ADAMTSL1: variants seen among roughly 807,000 people sequenced by gnomAD.
ADAMTSL1 encodes ADAMTS-like protein 1.
ADAMTSL1 carries 126 observed loss-of-function variants against 201.8 expected under a neutral mutation model. The ratio of observed to expected loss-of-function variants is 0.62; its 90% CI spans 0.54 to 0.72. The LOEUF is 0.72. ADAMTSL1 is among the 30% of genes least tolerant of loss of function. ADAMTSL1 has a pLI of 0.00. For missense variants in ADAMTSL1, 2,679 were observed against 2,277.8 expected (o/e 1.18, Z -3.59); for synonymous variants, 1,121 against 903.4 (o/e 1.24, Z -4.32).
At chr9:18,795,354 C>A in intron 19 of ADAMTSL1, 43 bp from the exon 20 acceptor site, 1 of 1,610,324 alleles carries the variant, frequency 6.2e-7, no homozygotes, top group South Asian at 1.1e-5. Context: ...AAAAAGGAGT[C>A]AACTGACTTG....
At chr9:18,835,738 C>T (rs202242865) in intron 23 of ADAMTSL1, among the ~76,000 whole-genome samples, 2 of 152,010 alleles carry the variant, frequency 1.3e-5, no homozygotes, top group Non-Finnish European at 2.9e-5. Flanking sequence ...GTTCCTGCTT[C>T]TAAGTGAGAA....
intron 2 of ADAMTSL1, among the ~76,000 whole-genome samples, chr9:18,282,348 A>G (rs1034315335): frequency 3.3e-5 from 5 of 152,176 alleles, no homozygotes; most frequent in African/African-American, 1.2e-4. Context: ...TGACTTTGCT[A>G]TTGTGAATAG....
intron 3 of ADAMTSL1, among the ~76,000 whole-genome samples, chr9:18,556,036 C>T (rs1208227985): frequency 6.6e-6 from 1 of 151,858 alleles, no homozygotes; most frequent in East Asian, 1.9e-4. Flanking sequence ...AAAACAGAGA[C>T]AGCTCAGCTC....
At chr9:17,965,005 A>G (rs953503969) in intron 1 of ADAMTSL1, among the ~76,000 whole-genome samples, 7 of 152,072 alleles carry the variant, frequency 4.6e-5, no homozygotes, top group African/African-American at 1.7e-4. Context: ...CACCTGCCAC[A>G]GCCTCTTAAA....
intron 2 of ADAMTSL1, among the ~76,000 whole-genome samples, chr9:18,438,168 G>A (rs1199033503): frequency 2.0e-5 from 3 of 151,502 alleles, no homozygotes; most frequent in African/African-American, 7.3e-5. Flanking sequence ...TGACCTGAAA[G>A]CATTTACTGC....
intron 2 of ADAMTSL1, among the ~76,000 whole-genome samples, chr9:18,422,295 C>A (rs1156250981): frequency 1.3e-5 from 2 of 152,040 alleles, no homozygotes; most frequent in Non-Finnish European, 2.9e-5. Context: ...AAAGAGATAC[C>A]CCTCTTTCTG....
intron 15 of ADAMTSL1, 57 bp downstream of exon 15, chr9:18,721,722 C>A: frequency 6.3e-7 from 1 of 1,576,254 alleles, no homozygotes; most frequent in Non-Finnish European, 8.6e-7. Flanking sequence ...CTGGGCGCAT[C>A]TTTCAGTGGG....
At chr9:18,021,524 T>G (rs1229110142) in intron 1 of ADAMTSL1, among the ~76,000 whole-genome samples, 38 of 152,148 alleles carry the variant, frequency 2.5e-4, no homozygotes. Flanking sequence ...CATCTATCCT[T>G]AAATCTCCTC....
intron 23 of ADAMTSL1, among the ~76,000 whole-genome samples, chr9:18,878,288 C>G (rs1828300051): frequency 6.6e-6 from 1 of 152,238 alleles, no homozygotes; most frequent in African/African-American, 2.4e-5. Context: ...CTGTTAACCC[C>G]CCTCCCCAGG....
chr9:18,570,078 G>A (rs547729456), intron 3 of ADAMTSL1, among the ~76,000 whole-genome samples: 12 of 152,086 alleles, frequency 7.9e-5, no homozygotes, highest in Non-Finnish European at 1.8e-4. Context: ...TTTTAAAAGA[G>A]TCAGGCACAG....
rs141352183 is a variant in ADAMTSL1, at chr9:18,286,012, A to G, written c.207+122031A>G. On this transcript the variant is annotated intron_variant, in intron 2 of 29. Transcript: ENST00000680146. ...TCATTCTCCAAGTTCCCAACCCCCTAGCTCTATGCAACTGGTTACTTTCTC... is the reference window on the plus strand; with the variant it reads ...TCATTCTCCAAGTTCCCAACCCCCTGGCTCTATGCAACTGGTTACTTTCTC... Among the ~76,000 whole-genome samples, 18 of 151,958 alleles carry G rather than the reference A, an allele frequency of 1.2e-4. No individual in the cohort carries two copies. In the East Asian group the frequency reaches 2.7e-3, roughly 23 times the overall value.
Position 18,221,879 on chromosome 9 carries a change from G to A in ADAMTSL1, c.207+57898G>A, listed in dbSNP as rs187714768. Among the ~76,000 whole-genome samples, 356 of 151,984 alleles carry A rather than the reference G, an allele frequency of 2.3e-3. 1 individual carries two copies. Among genetic ancestry groups the A allele is most frequent in the African/African-American group, 8.4e-3 (347 of 41,512 alleles). On this transcript the variant is annotated intron_variant, in intron 2 of 29. Transcript: ENST00000680146. ...TTATGTCTTTTTGATTTATCAGTTTGTCAGGCATGTTAGAATTTCCCACCA... is the reference window on the plus strand; with the variant it reads ...TTATGTCTTTTTGATTTATCAGTTTATCAGGCATGTTAGAATTTCCCACCA...
intron 1 of ADAMTSL1, among the ~76,000 whole-genome samples, chr9:18,161,262 G>A (rs191034922): frequency 3.1e-3 from 465 of 152,064 alleles, no homozygotes; most frequent in Non-Finnish European, 5.0e-3. Context: ...ACCTCTTTTG[G>A]AGGATATTTG....
At chr9:18,565,772 C>T (rs1245936979) in intron 3 of ADAMTSL1, among the ~76,000 whole-genome samples, 1 of 152,180 alleles carries the variant, frequency 6.6e-6, no homozygotes, top group East Asian at 1.9e-4. Context: ...GACAGGGCAG[C>T]AACTATGTCT....
intron 1 of ADAMTSL1, among the ~76,000 whole-genome samples, chr9:18,498,234 TA>T: frequency 6.6e-6 from 1 of 151,890 alleles, no homozygotes; most frequent in East Asian, 1.9e-4. Flanking sequence ...CAGGGAGTGA[TA>T]AAATAATTGG....
At chr9:18,883,078 A>G (rs1828637851) in intron 23 of ADAMTSL1, among the ~76,000 whole-genome samples, 1 of 152,100 alleles carries the variant, frequency 6.6e-6, no homozygotes, top group South Asian at 2.1e-4. Flanking sequence ...CCAGGCCTTC[A>G]ATCCATTGGC....
intron 15 of ADAMTSL1, among the ~76,000 whole-genome samples, chr9:18,738,777 C>T (rs1307251997): frequency 6.6e-6 from 1 of 152,184 alleles, no homozygotes; most frequent in East Asian, 1.9e-4. Flanking sequence ...AAAATAGTTA[C>T]TCTAACTTGG....
intron 1 of ADAMTSL1, among the ~76,000 whole-genome samples, chr9:18,136,999 C>T (rs1277613168): frequency 6.6e-6 from 1 of 152,008 alleles, no homozygotes; most frequent in Non-Finnish European, 1.5e-5. Context: ...GTCTGAGTAT[C>T]ATGGGAAGGG....
At position 18,706,962 on chromosome 9, in the gene ADAMTSL1, G is replaced by C. The variant is rs1428234124; in HGVS notation, c.1790G>C (p.Gly597Ala). 2 of 1,613,968 alleles carry C rather than the reference G, an allele frequency of 1.2e-6. No individual in the cohort carries two copies. Among genetic ancestry groups the C allele is most frequent in the Non-Finnish European group, 1.7e-6 (2 of 1,179,890 alleles). The part of the protein sequence containing the change: ...IPEFNPDETD[G>A]LFGGLQDFDE... ...GAGTTCAACCCAGACGAGACAGATG[G>C]GCTCTTTGGTGGCCTGCAGGATTTC... The change falls in exon 14 of 29, where the codon GGG becomes GCG. Residue 597 changes from glycine to alanine, a missense_variant. Transcript: ENST00000380548.
Sources: gnomAD v4.1 joint callset for allele counts (sites outside exome capture counted in the v4.1 genomes callset) on GRCh38, gnomAD v4.1.1 for gene constraint, MANE v1.5 for transcripts, NCBI Gene and HGNC (gene_info 2026-07-23, HGNC 2026-07-21) for gene names.